KLHL14: variants seen among roughly 807,000 people sequenced by gnomAD.
KLHL14 encodes the protein kelch like family member 14.
Under a neutral mutation model 64.3 loss-of-function variants are expected in KLHL14, and 22 were observed. That is an observed-to-expected ratio of 0.34 (90% CI 0.24 to 0.49). The LOEUF (loss-of-function observed/expected upper bound fraction) is 0.49. Ranked by LOEUF, KLHL14 falls within the 20% of genes least tolerant of loss-of-function variation. KLHL14 has a pLI of 0.99. For missense variants in KLHL14, 661 were observed against 789.0 expected, an observed-to-expected ratio of 0.84 and a Z score of 1.94; for synonymous variants, 322 against 333.4, an observed-to-expected ratio of 0.97 and a Z score of 0.37.
chr18:32,742,673 C>G (rs1461358832), intron 2 of KLHL14, among the ~76,000 whole-genome samples: 1 of 152,160 alleles, frequency 6.6e-6, no homozygotes, highest in African/African-American at 2.4e-5. Context: ...CTGCTCTCCC[C>G]CTGTGCACCA....
intron 4 of KLHL14, among the ~76,000 whole-genome samples, chr18:32,689,158 A>C (rs117609401): frequency 1.3e-5 from 2 of 152,130 alleles, no homozygotes; most frequent in Admixed American, 1.3e-4. Context: ...GACCTATAGG[A>C]TCTCAAACAG....
At chr18:32,738,219 T>C (rs188595043) in intron 3 of KLHL14, 2 of 152,150 alleles carry the variant, frequency 1.3e-5, no homozygotes, top group Non-Finnish European at 2.9e-5. Context: ...AAAACTTTGA[T>C]ATAAAAGAAA....
chr18:32,762,714 GT>G (rs556943506), intron 2 of KLHL14, among the ~76,000 whole-genome samples: 2 of 151,860 alleles, frequency 1.3e-5, no homozygotes, highest in South Asian at 2.1e-4. Context: ...TCAAAATAGT[GT>G]TTTTTTGTTT....
At position 32,693,413 on chromosome 18, in the gene KLHL14, C is replaced by CAGAG. The variant is rs56135629; in HGVS notation, c.1159+2046_1159+2049dup. ...ACACACACACACACACACACACACACAGAGAGAGAGAGAGAGAGAGAGAGA... is the reference window on the plus strand; with the variant it reads ...ACACACACACACACACACACACACACAGAGAGAGAGAGAGAGAGAGAGAGAGAGA... On this transcript the variant is annotated intron_variant, in intron 4 of 8. Transcript: ENST00000359358. 6.3e-3 allele frequency among the ~76,000 whole-genome samples: 611 copies of CAGAG among 96,954 alleles called. 8 individuals are homozygous for CAGAG. Among genetic ancestry groups the CAGAG allele is most frequent in the South Asian group, 0.018 (48 of 2,648 alleles). 63.6% of individuals were successfully genotyped at this position (96,954 alleles called of 152,430 possible).
intron 3 of KLHL14, among the ~76,000 whole-genome samples, chr18:32,722,517 C>A (rs745840740): frequency 4.6e-5 from 7 of 152,158 alleles, no homozygotes; most frequent in South Asian, 2.1e-4. Flanking sequence ...GTTCTCACCA[C>A]GAATGCCACT....
chr18:32,677,958 T>C (rs11875943), intron 7 of KLHL14, among the ~76,000 whole-genome samples: 40,647 of 152,114 alleles, frequency 0.27, 5,521 homozygotes, highest in African/African-American at 0.31. Flanking sequence ...TAAAAATATG[T>C]TGTTCAGCAT....
intron 3 of KLHL14, among the ~76,000 whole-genome samples, chr18:32,720,700 G>A (rs2050074650): frequency 2.0e-5 from 3 of 152,128 alleles, no homozygotes; most frequent in African/African-American, 7.2e-5. Context: ...AAGGCATCCA[G>A]GAAGTTACAT....
In KLHL14 at chr18:32,674,450, A is replaced by G. The variant is rs1598542813; in HGVS notation, c.*207T>C. 2.1e-6 allele frequency: 1 copy of G among 475,806 alleles called. No individual in the cohort carries two copies. Among genetic ancestry groups the G allele is most frequent in the East Asian group, 3.0e-5 (1 of 33,680 alleles). 29.5% of individuals were successfully genotyped at this position (475,806 alleles called of 1,614,324 possible). Reference sequence around the variant, plus strand: ...GTCTGAAATGGAAGAGTCTGTCACCACAGGAAGTTTGGTGCGATCTGAGTT... The same window carrying G: ...GTCTGAAATGGAAGAGTCTGTCACCGCAGGAAGTTTGGTGCGATCTGAGTT... On this transcript the variant is annotated 3_prime_UTR_variant, in exon 9 of 9. Transcript: ENST00000359358.
At chr18:32,752,369 C>T (rs1388073052) in intron 2 of KLHL14, among the ~76,000 whole-genome samples, 1 of 152,142 alleles carries the variant, frequency 6.6e-6, no homozygotes, top group African/African-American at 2.4e-5. Context: ...GGGTGGAAGA[C>T]TCAGAGAGCC....
At chr18:32,679,731 A>C (rs1194395572) in intron 7 of KLHL14, among the ~76,000 whole-genome samples, 4 of 152,210 alleles carry the variant, frequency 2.6e-5, no homozygotes, top group African/African-American at 9.6e-5. Flanking sequence ...AATATCTGGT[A>C]AATATTACCT....
intron 3 of KLHL14, among the ~76,000 whole-genome samples, chr18:32,723,879 T>C (rs1033483407): frequency 1.3e-5 from 2 of 152,206 alleles, no homozygotes; most frequent in Non-Finnish European, 2.9e-5. Context: ...GAACCCTATG[T>C]TATATACCAA....
intron 2 of KLHL14, 121 bp downstream of exon 2, chr18:32,769,524 A>T: frequency 2.3e-6 from 2 of 877,190 alleles, no homozygotes; most frequent in Non-Finnish European, 3.3e-6. Context: ...GTTTGTTTTC[A>T]TCCTGCCAGA....
At chr18:32,707,499 C>G (rs1421594206) in intron 3 of KLHL14, among the ~76,000 whole-genome samples, 1 of 152,234 alleles carries the variant, frequency 6.6e-6, no homozygotes, top group Non-Finnish European at 1.5e-5. Context: ...TTCCCACTAC[C>G]TTAGCTGATA....
chr18:32,695,560 T>TA lies in KLHL14; in HGVS notation c.1070-9dup, dbSNP rs781500764. 21 of 1,538,812 alleles carry TA rather than the reference T, an allele frequency of 1.4e-5. No homozygotes were observed. Among genetic ancestry groups the TA allele is most frequent in the Admixed American group, 7.7e-5 (4 of 51,784 alleles). ...CACTGTTGTATGGCATAACTGAAAT[T>TA]AAGAAAAAAAAAAAAGACATATGAA... On this transcript the variant is annotated splice_polypyrimidine_tract_variant and intron_variant, in intron 3 of 8. Transcript: ENST00000359358.
intron 2 of KLHL14, chr18:32,742,984 G>A (rs1323706243): frequency 2.0e-5 from 3 of 152,406 alleles, no homozygotes; most frequent in South Asian, 2.1e-4. Context: ...TGCAGTAAAA[G>A]CTGTAAGATG....
intron 3 of KLHL14, among the ~76,000 whole-genome samples, chr18:32,703,316 G>C (rs1385891078): frequency 2.0e-5 from 3 of 152,168 alleles, no homozygotes; most frequent in African/African-American, 7.2e-5. Context: ...TGCTAGCTAA[G>C]AGACTATGGA....
intron 2 of KLHL14, among the ~76,000 whole-genome samples, chr18:32,761,818 A>G (rs1025067861): frequency 6.6e-6 from 1 of 152,188 alleles, no homozygotes; most frequent in Non-Finnish European, 1.5e-5. Context: ...GGGTTATTCC[A>G]TAGCACAACT....
At chr18:32,716,772 A>G (rs936298703) in intron 3 of KLHL14, among the ~76,000 whole-genome samples, 1 of 152,082 alleles carries the variant, frequency 6.6e-6, no homozygotes, top group Non-Finnish European at 1.5e-5. Context: ...CATATAGTTG[A>G]TATTTAAAAA....
chr18:32,752,602 T>C (rs2050260535), intron 2 of KLHL14, among the ~76,000 whole-genome samples: 1 of 152,184 alleles, frequency 6.6e-6, no homozygotes, highest in Non-Finnish European at 1.5e-5. Context: ...GAGCCTACCA[T>C]GATAAAGCAC....
Sources: allele counts gnomAD v4.1 joint callset (sites outside exome capture counted in the v4.1 genomes callset), GRCh38; gene constraint gnomAD v4.1.1; transcripts MANE v1.5; gene names NCBI Gene and HGNC (gene_info 2026-07-23, HGNC 2026-07-21).